The following GLIS3 variants were observed in gnomAD, a reference collection of about 807,000 sequenced individuals.
GLIS3 encodes the protein zinc finger protein GLIS3.
Under a neutral mutation model 78.6 loss-of-function variants are expected in GLIS3, and 53 were observed. The observed-to-expected ratio is 0.67, with a 90% CI of 0.54 to 0.85. GLIS3 has a LOEUF of 0.85. Ranked by LOEUF, GLIS3 falls within the 40% of genes least tolerant of loss-of-function variation. GLIS3 has a pLI of 0.00. For missense variants in GLIS3, 1,703 were observed against 1,231.1 expected (o/e 1.38, Z -5.74); for synonymous variants, 684 against 509.9 (o/e 1.34, Z -4.60).
rs1822667324 is a variant in GLIS3, at chr9:4,235,690, G to T, written c.388+50348C>A. On this transcript the variant is annotated intron_variant, in intron 2 of 10. Transcript: ENST00000381971. ...AGTGTCAGTGTGTAAAAACTCCATC[G>T]GGGCACTGAAGTATTCCCCAAGCTA... is the stretch of plus-strand genomic sequence containing the variant. 2.0e-5 allele frequency among the ~76,000 whole-genome samples: 3 copies of T among 151,984 alleles called. No homozygotes were observed. The South Asian group carries it at 6.2e-4, about 32-fold the overall frequency.
chr9:3,945,049 G>A (rs1252601938), intron 4 of GLIS3, among the ~76,000 whole-genome samples: 1 of 152,174 alleles, frequency 6.6e-6, no homozygotes. Flanking sequence ...CAGGCCCATA[G>A]GAGCAGCATT....
the GLIS3 span, among the ~76,000 whole-genome samples, chr9:4,477,515 A>G: frequency 6.6e-6 from 1 of 152,082 alleles, no homozygotes; most frequent in Non-Finnish European, 1.5e-5. Flanking sequence ...CCCAGGCTCA[A>G]GTGATCCTCC....
intron 6 of GLIS3, among the ~76,000 whole-genome samples, chr9:3,913,325 C>T (rs768137297): frequency 6.6e-6 from 1 of 152,082 alleles, no homozygotes; most frequent in Non-Finnish European, 1.5e-5. Context: ...TTTTGCTCTC[C>T]CATCCATTCT....
chr9:4,170,022 C>A (rs750616113), intron 2 of GLIS3, among the ~76,000 whole-genome samples: 3 of 152,124 alleles, frequency 2.0e-5, no homozygotes, highest in Non-Finnish European at 4.4e-5. Context: ...CGGCCCAAAC[C>A]GTCTCTGATT....
chr9:4,457,655 G>T, the GLIS3 span, among the ~76,000 whole-genome samples: 1 of 151,758 alleles, frequency 6.6e-6, no homozygotes, highest in African/African-American at 2.4e-5. Context: ...AGACCATCCT[G>T]GCCAACATGG....
intron 4 of GLIS3, among the ~76,000 whole-genome samples, chr9:3,958,204 T>C (rs1399482719): frequency 6.6e-6 from 1 of 152,174 alleles, no homozygotes; most frequent in African/African-American, 2.4e-5. Flanking sequence ...AGAGTTTTCA[T>C]GAATCTTCAT....
intron 2 of GLIS3, among the ~76,000 whole-genome samples, chr9:4,233,421 T>G (rs1050507347): frequency 2.6e-5 from 4 of 152,238 alleles, no homozygotes; most frequent in African/African-American, 9.6e-5. Flanking sequence ...ATTAATCTCC[T>G]TGTACATCTC....
At chr9:4,196,113 A>G (rs1818817720) in intron 2 of GLIS3, among the ~76,000 whole-genome samples, 1 of 152,064 alleles carries the variant, frequency 6.6e-6, no homozygotes, top group Non-Finnish European at 1.5e-5. Flanking sequence ...AAATGCACTA[A>G]TCAGTGCTCT....
chr9:4,097,108 G>A (rs1037640538), intron 4 of GLIS3, among the ~76,000 whole-genome samples: 31 of 152,170 alleles, frequency 2.0e-4, no homozygotes, highest in African/African-American at 7.0e-4. Flanking sequence ...GAGGGCTTCT[G>A]TTCACAGAAA....
intron 6 of GLIS3, among the ~76,000 whole-genome samples, chr9:3,915,562 T>C (rs900585971): frequency 6.6e-6 from 1 of 152,174 alleles, no homozygotes; most frequent in Non-Finnish European, 1.5e-5. Context: ...TGCCCTGTTA[T>C]CTGCAGGTTT....
the GLIS3 span, among the ~76,000 whole-genome samples, chr9:4,483,999 C>T: frequency 1.3e-5 from 2 of 152,154 alleles, no homozygotes; most frequent in Non-Finnish European, 2.9e-5. Flanking sequence ...CTTAGAAGAG[C>T]GCCTGGTATA....
chr9:4,151,722 G>T (rs1834694842), intron 2 of GLIS3, among the ~76,000 whole-genome samples: 1 of 152,158 alleles, frequency 6.6e-6, no homozygotes, highest in African/African-American at 2.4e-5. Flanking sequence ...AACAATGAAA[G>T]CGCTCTTCAT....
At chr9:4,252,906 C>A (rs965565342) in intron 2 of GLIS3, among the ~76,000 whole-genome samples, 12 of 152,216 alleles carry the variant, frequency 7.9e-5, no homozygotes, top group Non-Finnish European at 2.9e-5. Context: ...TGGAGCTCCA[C>A]TCCAGACCCT....
chr9:4,009,002 G>A (rs1325626013), intron 4 of GLIS3, among the ~76,000 whole-genome samples: 1 of 152,102 alleles, frequency 6.6e-6, no homozygotes, highest in Non-Finnish European at 1.5e-5. Context: ...TGAGAGAGAT[G>A]CATTCCTGAA....
At chr9:4,348,837 T>G (rs1817927028), upstream of GLIS3, among the ~76,000 whole-genome samples, 1 of 152,218 alleles carries the variant, frequency 6.6e-6, no homozygotes, top group Non-Finnish European at 1.5e-5. Context: ...AACATAAATG[T>G]GCATAGAAAA....
Position 4,268,053 on chromosome 9 carries a change from G to GCA in GLIS3, c.388+17983_388+17984dup, listed in dbSNP as rs376710564. Among the ~76,000 whole-genome samples the GCA allele has an allele frequency of 6.4e-4, 97 of 151,220 alleles. No individual in the cohort carries two copies. In the South Asian group the frequency reaches 9.2e-3, roughly 14 times the overall value. ...TGTGCATACACACGTGCGTGCGTGC[G>GCA]CACACACACACACACTCACACACAC... On this transcript the variant is annotated intron_variant, in intron 2 of 10. Coordinates refer to ENST00000381971, the MANE Select transcript of GLIS3 (RefSeq NM_001042413.2).
At chr9:4,253,927 T>G (rs752012412) in intron 2 of GLIS3, among the ~76,000 whole-genome samples, 9 of 152,130 alleles carry the variant, frequency 5.9e-5, no homozygotes, top group Non-Finnish European at 1.0e-4. Context: ...TCTCCCTCCA[T>G]GGGCTGCACT....
intron 2 of GLIS3, among the ~76,000 whole-genome samples, chr9:4,172,156 C>T (rs1373839928): frequency 6.6e-6 from 1 of 152,140 alleles, no homozygotes; most frequent in Non-Finnish European, 1.5e-5. Flanking sequence ...CACATTCAGG[C>T]TTGGAATAAA....
intron 8 of GLIS3, among the ~76,000 whole-genome samples, chr9:3,873,820 C>T (rs1821129269): frequency 8.0e-6 from 1 of 125,470 alleles, no homozygotes; most frequent in Non-Finnish European, 1.7e-5. Context: ...GAAGCCTTCC[C>T]AATACTCCAT....
Sources: gnomAD v4.1 joint callset for allele counts (sites outside exome capture counted in the v4.1 genomes callset) on GRCh38, gnomAD v4.1.1 for gene constraint, MANE v1.5 for transcripts, NCBI Gene and HGNC (gene_info 2026-07-23, HGNC 2026-07-21) for gene names.